RHD: variants seen among roughly 807,000 people sequenced by gnomAD.
RHD encodes Rh blood group D antigen.
A neutral mutation model predicts 45.5 loss-of-function variants in RHD; 16 were observed. The ratio of observed to expected loss-of-function variants is 0.35; its 90% CI spans 0.24 to 0.53. The LOEUF (loss-of-function observed/expected upper bound fraction) is 0.53, where lower values mean the gene tolerates loss of function less well. Ranked by LOEUF, RHD falls within the 20% of genes least tolerant of loss-of-function variation. The probability of loss-of-function intolerance (pLI) is 0.92; values close to 1 mark genes in which losing one functional copy is unlikely to be tolerated. For synonymous variants in RHD, 131 were observed against 217.5 expected, an observed-to-expected ratio of 0.60 and a Z score of 3.50; for missense variants, 306 against 532.0, an observed-to-expected ratio of 0.58 and a Z score of 4.18.
At position 25,315,361 on chromosome 1, in the gene RHD, G is replaced by A. The variant is rs147655020; in HGVS notation, c.1074-1639G>A. On this transcript the variant is annotated intron_variant, in intron 7 of 9. Coordinates refer to ENST00000328664, the MANE Select transcript of RHD (RefSeq NM_016124.6). ...AGATATACAAAGATGGCAAAGATGA[G>A]GGCCTGGAGCTTGCCACACGGAAGG... is the stretch of plus-strand genomic sequence containing the variant. Among the ~76,000 whole-genome samples, 751 of 130,398 alleles carry A rather than the reference G, an allele frequency of 5.8e-3. 198 individuals are homozygous for A. The highest frequency in any genetic ancestry group is 9.7e-3 in the Non-Finnish European group (539 of 55,340). 85.5% of individuals were successfully genotyped at this position (130,398 alleles called of 152,430 possible). A position where few individuals can be genotyped will look rare whatever the true frequency, so the allele number is the denominator to read the frequency against.
In RHD at chr1:25,311,530, G is replaced by A. The variant is rs1159568183; in HGVS notation, c.1073+4801G>A. Among the ~76,000 whole-genome samples the A allele has an allele frequency of 7.0e-3, 841 of 120,250 alleles. 101 individuals are homozygous for A. The highest frequency in any genetic ancestry group is 0.022 in the African/African-American group (772 of 35,694). The allele number at this position is 120,250 out of a possible 152,430, so 78.9% of individuals were successfully genotyped here. On this transcript the variant is annotated intron_variant, in intron 7 of 9. Transcript: ENST00000328664. ...ACAGAGCAAAACTCCGTCTCAAAAAGAAAAAAAAAAGGAAGAAAGAAAATT... is the reference window on the plus strand; with the variant it reads ...ACAGAGCAAAACTCCGTCTCAAAAAAAAAAAAAAAAGGAAGAAAGAAAATT...
chr1:25,293,668 C>T (rs1305510229), intron 3 of RHD, among the ~76,000 whole-genome samples: 1 of 130,996 alleles, frequency 7.6e-6, no homozygotes, highest in East Asian at 2.0e-4. Context: ...TAAAATTTCC[C>T]TAGTATATGT....
At chr1:25,285,651 C>T (rs1485640328) in intron 2 of RHD, among the ~76,000 whole-genome samples, 1 of 135,262 alleles carries the variant, frequency 7.4e-6, no homozygotes, top group Non-Finnish European at 1.8e-5. Flanking sequence ...CACAAAATAA[C>T]CGCATGGGGT....
At position 25,310,985 on chromosome 1, in the gene RHD, A is replaced by G. The variant is rs565118467; in HGVS notation, c.1073+4256A>G. The stretch of plus-strand genomic sequence containing the variant: ...CAAAACTCCATCTCAAAAAAAAAAA[A>G]AAAGAAAGAAAAAGAATGGAGCATT... On this transcript the variant is annotated intron_variant, in intron 7 of 9. Coordinates refer to ENST00000328664, the MANE Select transcript of RHD (RefSeq NM_016124.6). Among the ~76,000 whole-genome samples, 76 of 130,484 alleles carry G rather than the reference A, an allele frequency of 5.8e-4. 9 individuals carry two copies. Among genetic ancestry groups the G allele is most frequent in the African/African-American group, 1.7e-3 (65 of 38,540 alleles). 85.6% of individuals were successfully genotyped at this position (130,484 alleles called of 152,430 possible).
rs773601643 is a variant in RHD, at chr1:25,282,114, T to C, written c.149-2459T>C. ...GTCACTGTACTAAACATTATTTCCT[T>C]TGGATTTCCCAGAAACCTCTCAGGT... On this transcript the variant is annotated intron_variant, in intron 1 of 9. Coordinates refer to ENST00000328664, the MANE Select transcript of RHD (RefSeq NM_016124.6). 3.8e-4 allele frequency among the ~76,000 whole-genome samples: 51 copies of C among 132,550 alleles called. 12 individuals carry two copies. Among genetic ancestry groups the C allele is most frequent in the Admixed American group, 1.5e-3 (20 of 13,590 alleles). 87.0% of individuals were successfully genotyped at this position (132,550 alleles called of 152,430 possible).
At chr1:25,302,537 G>T (rs1643469043) in intron 5 of RHD, among the ~76,000 whole-genome samples, 1 of 129,954 alleles carries the variant, frequency 7.7e-6, no homozygotes, top group South Asian at 2.4e-4. Flanking sequence ...GTCAACTCAG[G>T]GAAGCCCAGA....
intron 3 of RHD, among the ~76,000 whole-genome samples, chr1:25,291,289 G>T: frequency 7.7e-6 from 1 of 129,650 alleles, no homozygotes; most frequent in African/African-American, 2.6e-5. Flanking sequence ...GTCAACATGG[G>T]GGAACCTCAT....
At chr1:25,302,393 T>TG (rs374435840) in intron 5 of RHD, among the ~76,000 whole-genome samples, 1 of 124,418 alleles carries the variant, frequency 8.0e-6, no homozygotes, top group African/African-American at 2.8e-5. Flanking sequence ...TGGGAGGCAC[T>TG]GGGGGGGCTG....
At position 25,291,161 on chromosome 1, in the gene RHD, T is replaced by C. The variant is rs1009923416; in HGVS notation, c.486+370T>C. ...GTAGGTGGATAGACAGATAGATAGATAGACAGACAGACAGACAGACAGACA... is the reference window on the plus strand; with the variant it reads ...GTAGGTGGATAGACAGATAGATAGACAGACAGACAGACAGACAGACAGACA... On this transcript the variant is annotated intron_variant, in intron 3 of 9. Transcript: ENST00000328664. Among the ~76,000 whole-genome samples, 14 of 124,124 alleles carry C rather than the reference T, an allele frequency of 1.1e-4. 2 individuals carry two copies. Among genetic ancestry groups the C allele is most frequent in the African/African-American group, 2.6e-4 (9 of 34,100 alleles). The allele number at this position is 124,124 out of a possible 152,430, so 81.4% of individuals were successfully genotyped here. A position where few individuals can be genotyped will look rare whatever the true frequency, so the allele number is the denominator to read the frequency against.
chr1:25,276,804 C>T lies in RHD; in HGVS notation c.148+4109C>T, dbSNP rs563118768. Among the ~76,000 whole-genome samples the T allele has an allele frequency of 2.9e-3, 384 of 132,618 alleles. 70 individuals carry two copies. Among genetic ancestry groups the T allele is most frequent in the African/African-American group, 4.4e-3 (172 of 38,956 alleles). 87.0% of individuals were successfully genotyped at this position (132,618 alleles called of 152,430 possible). On this transcript the variant is annotated intron_variant, in intron 1 of 9. Transcript: ENST00000328664. ...CATAAAGGCTGGGTGTAGTGGCTCA[C>T]GCCTGTAATCCCAGCACTTTGGGAG...
In RHD at chr1:25,274,972, A is replaced by C. The variant is rs542928935; in HGVS notation, c.148+2277A>C. Reference sequence around the variant, plus strand: ...CAAAAAACCAAACAACAAAAACAACAACAAGAACAACAAAAAAACAAAGAG... The same window carrying C: ...CAAAAAACCAAACAACAAAAACAACCACAAGAACAACAAAAAAACAAAGAG... On this transcript the variant is annotated intron_variant, in intron 1 of 9. Transcript: ENST00000328664. 1.7e-4 allele frequency among the ~76,000 whole-genome samples: 22 copies of C among 131,684 alleles called. 6 individuals are homozygous for C. The South Asian group carries it at 5.1e-3, about 31-fold the overall frequency. The allele number at this position is 131,684 out of a possible 152,430, so 86.4% of individuals were successfully genotyped here.
chr1:25,283,305 C>A (rs1641662018), intron 1 of RHD, among the ~76,000 whole-genome samples: 2 of 131,080 alleles, frequency 1.5e-5, no homozygotes, highest in South Asian at 2.3e-4. Flanking sequence ...CCGAGGTGGG[C>A]AGATCACTTG....
At chr1:25,291,089 G>GAGAT (rs1642460246) in intron 3 of RHD, among the ~76,000 whole-genome samples, 1 of 130,788 alleles carries the variant, frequency 7.6e-6, no homozygotes, top group Admixed American at 7.5e-5. Flanking sequence ...CCAGGAGTTA[G>GAGAT]GGACCGAGCT....
At chr1:25,273,093 T>G (rs1640631086) in intron 1 of RHD, among the ~76,000 whole-genome samples, 1 of 131,160 alleles carries the variant, frequency 7.6e-6, no homozygotes. Flanking sequence ...AATTTCATGT[T>G]GTTGGGTTTT....
chr1:25,283,767 C>T (rs117595128), intron 1 of RHD, among the ~76,000 whole-genome samples: 6,001 of 132,706 alleles, frequency 0.045, 24 homozygotes, highest in Admixed American at 0.16. Context: ...AGATCAAGAT[C>T]ACACAGTTAG....
At chr1:25,317,880 T>C (rs1644491416) in intron 8 of RHD, among the ~76,000 whole-genome samples, 1 of 110,426 alleles carries the variant, frequency 9.1e-6, no homozygotes, top group South Asian at 2.8e-4. Flanking sequence ...GAGGGCAGAA[T>C]GGTAGTGAGG....
At chr1:25,312,077 C>T (rs1644180237) in intron 7 of RHD, among the ~76,000 whole-genome samples, 1 of 101,342 alleles carries the variant, frequency 9.9e-6, no homozygotes, top group African/African-American at 3.4e-5. Context: ...GGGCAGAACC[C>T]AGCAAAACCA....
chr1:25,307,688 G>C lies in RHD; in HGVS notation c.1073+959G>C, dbSNP rs190564421. On this transcript the variant is annotated intron_variant, in intron 7 of 9. Transcript: ENST00000328664. ...CTGGCTGTAAAAATGGCTGAAGCAG[G>C]TGATGAGGAGCTGATGCGTTTGGAC... 94 of 1,306,416 alleles carry C rather than the reference G, an allele frequency of 7.2e-5. 8 individuals are homozygous for C. The East Asian group carries it at 2.2e-3, about 30-fold the overall frequency. The allele number at this position is 1,306,416 out of a possible 1,614,324, so 80.9% of individuals were successfully genotyped here.
At chr1:25,312,920 TAAAAAAAAAAAAAAAAA>T (rs58027687) in intron 7 of RHD, among the ~76,000 whole-genome samples, 148 of 6,862 alleles carry the variant, frequency 0.022, 23 homozygotes, top group Middle Eastern at 0.12. Flanking sequence ...ATCCCATCTC[TAAAAAAAAAAAAAAAAA>T]AAAAAAAAAA....
Sources: allele counts gnomAD v4.1 joint callset (sites outside exome capture counted in the v4.1 genomes callset), GRCh38; gene constraint gnomAD v4.1.1; transcripts MANE v1.5; gene names NCBI Gene and HGNC (gene_info 2026-07-23, HGNC 2026-07-21).